The following FERMT2 variants were observed in gnomAD, a reference collection of about 807,000 sequenced individuals.
FERMT2 encodes the protein fermitin family homolog 2.
In FERMT2, 15 loss-of-function variants were observed where a neutral mutation model predicts 82.7. The observed-to-expected ratio is 0.18, with a 90% CI of 0.12 to 0.28. The LOEUF is 0.28. FERMT2 is among the 10% of genes least tolerant of loss of function. The pLI is 1.00. For synonymous variants in FERMT2, 274 were observed against 271.5 expected (o/e 1.01, Z -0.09); for missense variants, 645 against 809.4 (o/e 0.80, Z 2.46).
At chr14:52,910,878 C>T (rs1389650603) in intron 3 of FERMT2, among the ~76,000 whole-genome samples, 8 of 152,042 alleles carry the variant, frequency 5.3e-5, no homozygotes, top group Middle Eastern at 3.4e-3. Context: ...TTCTACTGCT[C>T]GTACAGTAAG....
chr14:52,945,362 T>C (rs998674126), intron 2 of FERMT2, among the ~76,000 whole-genome samples: 8 of 151,836 alleles, frequency 5.3e-5, no homozygotes, highest in African/African-American at 1.9e-4. Context: ...GCGATTCTCC[T>C]GGCTCAGCCT....
intron 3 of FERMT2, among the ~76,000 whole-genome samples, chr14:52,916,708 G>A (rs1208958322): frequency 6.6e-6 from 1 of 152,126 alleles, no homozygotes; most frequent in East Asian, 1.9e-4. Flanking sequence ...GTATGTCAAG[G>A]TAGGTTCACC....
Position 52,858,942 on chromosome 14 carries a change from A to AAATATAAGATTCTTTGAAGT in FERMT2, c.1870-412_1870-393dup, listed in dbSNP as rs375825478. On this transcript the variant is annotated intron_variant, in intron 14 of 14. Coordinates refer to ENST00000341590, the MANE Select transcript of FERMT2 (RefSeq NM_006832.3). Reference sequence around the variant, plus strand: ...TAGGTATCACGTTTGAGTATTTCAGAAATATAAGATTCTTTGAAGTAATAG... The same window carrying AAATATAAGATTCTTTGAAGT: ...TAGGTATCACGTTTGAGTATTTCAGAAATATAAGATTCTTTGAAGTAATATAAGATTCTTTGAAGTAATAG... The AAATATAAGATTCTTTGAAGT allele has an allele frequency of 4.4e-3, 735 of 167,100 alleles. 7 individuals are homozygous for AAATATAAGATTCTTTGAAGT. Among genetic ancestry groups the AAATATAAGATTCTTTGAAGT allele is most frequent in the African/African-American group, 0.017 (707 of 42,040 alleles). The allele number at this position is 167,100 out of a possible 1,614,324, so 10.4% of individuals were successfully genotyped here.
chr14:52,859,491 G>A, intron 14 of FERMT2, 82 bp downstream of exon 14: 2 of 1,251,198 alleles, frequency 1.6e-6, no homozygotes, highest in Non-Finnish European at 2.1e-6. Flanking sequence ...ATAATCATCA[G>A]AATTTATAGG....
At chr14:52,894,554 C>T (rs1477297010) in intron 3 of FERMT2, among the ~76,000 whole-genome samples, 2 of 152,138 alleles carry the variant, frequency 1.3e-5, no homozygotes, top group African/African-American at 4.8e-5. Flanking sequence ...ACTGAACTTA[C>T]TGGCTAAATG....
chr14:52,863,520 C>T (rs1486434134), intron 12 of FERMT2: 4 of 152,086 alleles, frequency 2.6e-5, no homozygotes, highest in Non-Finnish European at 5.9e-5. Context: ...GTGAAATTCC[C>T]CTGTAAAGGA....
At chr14:52,897,542 T>C (rs1472890649) in intron 3 of FERMT2, among the ~76,000 whole-genome samples, 1 of 152,202 alleles carries the variant, frequency 6.6e-6, no homozygotes, top group African/African-American at 2.4e-5. Context: ...GAGCAATTAC[T>C]GCAAACCACA....
intron 2 of FERMT2, among the ~76,000 whole-genome samples, chr14:52,920,295 G>C (rs1179213794): frequency 6.6e-6 from 1 of 152,104 alleles, no homozygotes; most frequent in Non-Finnish European, 1.5e-5. Context: ...GCCAAAAAAA[G>C]GGAAAGTGAT....
At chr14:52,905,466 T>G (rs978484636) in intron 3 of FERMT2, among the ~76,000 whole-genome samples, 2 of 152,102 alleles carry the variant, frequency 1.3e-5, no homozygotes, top group Non-Finnish European at 2.9e-5. Flanking sequence ...GAATAAAGAA[T>G]GCATTGGAAA....
intron 2 of FERMT2, among the ~76,000 whole-genome samples, chr14:52,922,999 CTAGG>C (rs1889048633): frequency 6.6e-6 from 1 of 152,058 alleles, no homozygotes; most frequent in Non-Finnish European, 1.5e-5. Context: ...CCTCTTGATT[CTAGG>C]ATACAAACCT....
chr14:52,859,443 A>C, intron 14 of FERMT2, 130 bp downstream of exon 14: 1 of 873,272 alleles, frequency 1.1e-6, no homozygotes, highest in Non-Finnish European at 1.6e-6. Context: ...TGAATAGTCA[A>C]CCATGGTCTG....
At chr14:52,886,202 G>A (rs557369395) in intron 4 of FERMT2, among the ~76,000 whole-genome samples, 23 of 152,094 alleles carry the variant, frequency 1.5e-4, no homozygotes, top group African/African-American at 4.8e-4. Context: ...ATTCAATATT[G>A]AGCAGAATGT....
chr14:52,901,272 C>G (rs1442555542), intron 3 of FERMT2, among the ~76,000 whole-genome samples: 3 of 103,594 alleles, frequency 2.9e-5, no homozygotes, highest in Non-Finnish European at 5.6e-5. Context: ...CAGAGCGAGA[C>G]TCTGTCTCAA....
intron 3 of FERMT2, among the ~76,000 whole-genome samples, chr14:52,894,893 A>T (rs1040840883): frequency 2.0e-4 from 31 of 151,570 alleles, no homozygotes; most frequent in African/African-American, 6.5e-4. Flanking sequence ...AAATAAAAAA[A>T]AAAAAAAAAC....
intron 3 of FERMT2, among the ~76,000 whole-genome samples, chr14:52,895,378 C>T (rs1285692141): frequency 3.3e-5 from 5 of 152,162 alleles, no homozygotes; most frequent in African/African-American, 4.8e-5. Context: ...AGATGAAAAG[C>T]ACATTTGTAA....
intron 2 of FERMT2, among the ~76,000 whole-genome samples, chr14:52,941,500 G>C (rs889683672): frequency 1.3e-5 from 2 of 152,126 alleles, no homozygotes; most frequent in Non-Finnish European, 2.9e-5. Context: ...ATTTGTTAAA[G>C]AATGAATTAT....
intron 3 of FERMT2, among the ~76,000 whole-genome samples, chr14:52,895,447 A>G (rs1165359672): frequency 1.3e-5 from 2 of 152,240 alleles, no homozygotes; most frequent in African/African-American, 4.8e-5. Context: ...CAAAAATGTG[A>G]TATTTGCAAA....
At chr14:52,858,841 T>C (rs1241447257) in intron 14 of FERMT2, 4 of 259,396 alleles carry the variant, frequency 1.5e-5, no homozygotes, top group Non-Finnish European at 2.9e-5. Context: ...ATTCAATTAA[T>C]GAGAATGCCT....
intron 2 of FERMT2, among the ~76,000 whole-genome samples, chr14:52,941,138 T>TA (rs60925089): frequency 6.6e-6 from 1 of 152,180 alleles, no homozygotes; most frequent in South Asian, 2.1e-4. Flanking sequence ...TACTCAGTGA[T>TA]AAAAAACTAT....
Sources: gnomAD v4.1 joint callset for allele counts (sites outside exome capture counted in the v4.1 genomes callset) on GRCh38, gnomAD v4.1.1 for gene constraint, MANE v1.5 for transcripts, NCBI Gene and HGNC (gene_info 2026-07-23, HGNC 2026-07-21) for gene names.